The following RBFOX1 variants were observed in gnomAD, a reference collection of about 807,000 sequenced individuals.
RBFOX1 encodes the protein RNA binding fox-1 homolog 1.
RBFOX1 carries 8 observed loss-of-function variants against 57.7 expected under a neutral mutation model. The observed-to-expected ratio is 0.14, with a 90% confidence interval of 0.08 to 0.25. The LOEUF is 0.25. Among genes scored for constraint, RBFOX1 ranks in the 10% least tolerant of loss-of-function variants. The pLI, the probability that RBFOX1 is intolerant of heterozygous loss-of-function variation, is 1.00. For missense variants in RBFOX1, 611 were observed against 548.5 expected (o/e 1.11, Z -1.14); for synonymous variants, 326 against 222.4 (o/e 1.47, Z -4.15).
At chr16:7,242,934 C>T (rs1006202664) in intron 4 of RBFOX1, among the ~76,000 whole-genome samples, 41 of 152,292 alleles carry the variant, frequency 2.7e-4, no homozygotes, top group African/African-American at 8.9e-4. Context: ...CTGTGTCGGC[C>T]TTACCTGTCT....
chr16:5,391,052 A>G lies in RBFOX1; in HGVS notation c.220-76164A>G, dbSNP rs114054396. On this transcript the variant is annotated intron_variant, in intron 1 of 2. Transcript: ENST00000585867. ...AGGGTACAGTGTCTTCTTACTTCCCATCCTCTGAAACTTCACTCCATCTCT... is the reference window on the plus strand; with the variant it reads ...AGGGTACAGTGTCTTCTTACTTCCCGTCCTCTGAAACTTCACTCCATCTCT... Among the ~76,000 whole-genome samples, 1,194 of 152,300 alleles carry G rather than the reference A, an allele frequency of 7.8e-3. 18 individuals carry two copies. Among genetic ancestry groups the G allele is most frequent in the African/African-American group, 0.027 (1,107 of 41,552 alleles).
intron 3 of RBFOX1, among the ~76,000 whole-genome samples, chr16:6,859,523 C>T (rs72768859): frequency 0.21 from 32,509 of 151,686 alleles, 4,352 homozygotes; most frequent in Admixed American, 0.36. Flanking sequence ...CTGCAAATTT[C>T]CCAAATGTGA....
intron 2 of RBFOX1, among the ~76,000 whole-genome samples, chr16:5,471,518 G>A (rs2069134905): frequency 6.6e-6 from 1 of 152,116 alleles, no homozygotes; most frequent in Non-Finnish European, 1.5e-5. Context: ...ACCCTTCCCA[G>A]GTGGGAAGGA....
intron 1 of RBFOX1, among the ~76,000 whole-genome samples, chr16:6,302,340 C>T (rs2078917703): frequency 6.6e-6 from 1 of 152,106 alleles, no homozygotes; most frequent in Non-Finnish European, 1.5e-5. Flanking sequence ...TCCTTCATTT[C>T]CTTCATTGTC....
chr16:7,326,633 G>T (rs1393801525), intron 4 of RBFOX1, among the ~76,000 whole-genome samples: 1 of 151,678 alleles, frequency 6.6e-6, no homozygotes, highest in Non-Finnish European at 1.5e-5. Flanking sequence ...CTGCTGTAAT[G>T]CATTTATGAG....
intron 3 of RBFOX1, among the ~76,000 whole-genome samples, chr16:5,772,046 C>A (rs1270001953): frequency 6.6e-6 from 1 of 152,034 alleles, no homozygotes; most frequent in Admixed American, 6.5e-5. Context: ...GCAGCACATG[C>A]CTGTAATCCC....
At chr16:5,641,685 G>C (rs1221892544) in intron 3 of RBFOX1, among the ~76,000 whole-genome samples, 4 of 152,232 alleles carry the variant, frequency 2.6e-5, no homozygotes, top group African/African-American at 7.2e-5. Context: ...GCAGGGCAAA[G>C]GCCTGGAGGC....
chr16:5,419,772 G>C (rs2067260458), intron 1 of RBFOX1, among the ~76,000 whole-genome samples: 1 of 151,976 alleles, frequency 6.6e-6, no homozygotes, highest in African/African-American at 2.4e-5. Context: ...CCAGCAGAAG[G>C]AGAAGTTGGA....
chr16:6,878,392 A>G (rs1193130114), intron 3 of RBFOX1, among the ~76,000 whole-genome samples: 1 of 152,186 alleles, frequency 6.6e-6, no homozygotes, highest in Non-Finnish European at 1.5e-5. Context: ...GTGGCTAGAA[A>G]TATTTCAGAT....
At chr16:6,711,364 C>G (rs1354650097) in intron 3 of RBFOX1, among the ~76,000 whole-genome samples, 4 of 152,192 alleles carry the variant, frequency 2.6e-5, no homozygotes, top group African/African-American at 9.6e-5. Flanking sequence ...TCCCTACCAA[C>G]TTTGTCATCT....
chr16:6,847,139 C>T (rs1163456207), intron 3 of RBFOX1, among the ~76,000 whole-genome samples: 1 of 152,160 alleles, frequency 6.6e-6, no homozygotes, highest in Non-Finnish European at 1.5e-5. Context: ...TCATCCACTC[C>T]TGTCTTGCGG....
At chr16:7,643,826 C>A (rs1239407013) in intron 11 of RBFOX1, among the ~76,000 whole-genome samples, 2 of 152,124 alleles carry the variant, frequency 1.3e-5, no homozygotes, top group Non-Finnish European at 2.9e-5. Flanking sequence ...GTCTTGAAAT[C>A]TCAGAACTTA....
At chr16:6,156,846 T>G (rs936737500) in intron 1 of RBFOX1, among the ~76,000 whole-genome samples, 3 of 152,222 alleles carry the variant, frequency 2.0e-5, no homozygotes, top group Admixed American at 6.5e-5. Flanking sequence ...ATTTTATTTC[T>G]TATTATTTTA....
chr16:5,543,999 C>T (rs2045077358), intron 2 of RBFOX1, among the ~76,000 whole-genome samples: 1 of 152,154 alleles, frequency 6.6e-6, no homozygotes. Flanking sequence ...ACACTGCTTA[C>T]AACAATTGAT....
chr16:7,154,677 C>A lies in RBFOX1; in HGVS notation c.27+102579C>A. Among the ~76,000 whole-genome samples, 3 of 146,732 alleles carry A rather than the reference C, an allele frequency of 2.0e-5. 1 individual carries two copies. The highest frequency in any genetic ancestry group is 4.5e-5 in the Non-Finnish European group (3 of 67,372). ...ACTTAGTTTGGGAAATGGCTAGACC[C>A]TCTTCCTTTGTGTGTGTGTGTGTGT... On this transcript the variant is annotated intron_variant, in intron 4 of 15. Coordinates refer to ENST00000550418, the MANE Select transcript of RBFOX1 (RefSeq NM_018723.4).
intron 2 of RBFOX1, among the ~76,000 whole-genome samples, chr16:6,635,589 G>GC (rs1485456353): frequency 6.6e-6 from 1 of 152,134 alleles, no homozygotes; most frequent in Non-Finnish European, 1.5e-5. Flanking sequence ...TTGACAGGGA[G>GC]CATAGGGTCT....
chr16:5,945,291 T>C (rs1485588101), intron 4 of RBFOX1, among the ~76,000 whole-genome samples: 2 of 152,192 alleles, frequency 1.3e-5, no homozygotes, highest in African/African-American at 4.8e-5. Flanking sequence ...ACACATGGTC[T>C]GATGTTGTGT....
intron 3 of RBFOX1, among the ~76,000 whole-genome samples, chr16:6,978,942 T>C (rs1179907591): frequency 6.6e-6 from 1 of 152,242 alleles, no homozygotes; most frequent in Non-Finnish European, 1.5e-5. Context: ...CACACCCATC[T>C]TGGTGGAGAG....
At chr16:5,626,662 C>T (rs899371586) in intron 3 of RBFOX1, among the ~76,000 whole-genome samples, 11 of 152,038 alleles carry the variant, frequency 7.2e-5, no homozygotes, top group African/African-American at 2.4e-4. Flanking sequence ...ACACGAGCTC[C>T]GATATTCATC....
Sources: gnomAD v4.1 joint callset for allele counts (sites outside exome capture counted in the v4.1 genomes callset) on GRCh38, gnomAD v4.1.1 for gene constraint, MANE v1.5 for transcripts, NCBI Gene and HGNC (gene_info 2026-07-23, HGNC 2026-07-21) for gene names.